The following SHISA6 variants were observed in gnomAD, a reference collection of about 807,000 sequenced individuals.
SHISA6 encodes protein shisa-6.
In SHISA6, 22 loss-of-function variants were observed where a neutral mutation model predicts 47.9. That is an observed-to-expected ratio of 0.46 (90% confidence interval 0.33 to 0.66). The LOEUF (loss-of-function observed/expected upper bound fraction) is 0.66. Among genes scored for constraint, SHISA6 ranks in the 30% least tolerant of loss-of-function variants. The pLI is 0.02. For synonymous variants in SHISA6, 388 were observed against 337.8 expected (o/e 1.15, Z -1.63); for missense variants, 680 against 764.6 (o/e 0.89, Z 1.30).
chr17:11,296,691 C>G (rs1466178813), intron 2 of SHISA6, among the ~76,000 whole-genome samples: 1 of 151,926 alleles, frequency 6.6e-6, no homozygotes, highest in African/African-American at 2.4e-5. Flanking sequence ...GGGGATGTCT[C>G]CTAGGAACAG....
At chr17:11,426,967 C>T (rs566668704) in intron 3 of SHISA6, among the ~76,000 whole-genome samples, 6 of 152,140 alleles carry the variant, frequency 3.9e-5, no homozygotes, top group Non-Finnish European at 5.9e-5. Flanking sequence ...CTGTCTCCAC[C>T]CCTGTAGGTA....
intron 3 of SHISA6, among the ~76,000 whole-genome samples, chr17:11,523,522 AG>A (rs1432536011): frequency 6.6e-6 from 1 of 152,152 alleles, no homozygotes; most frequent in Admixed American, 6.5e-5. Context: ...TTGAGATGTG[AG>A]GGGGATTTGG....
intron 3 of SHISA6, among the ~76,000 whole-genome samples, chr17:11,515,872 T>C (rs1158442901): frequency 1.3e-5 from 2 of 152,146 alleles, no homozygotes; most frequent in Non-Finnish European, 2.9e-5. Flanking sequence ...GAGACCACTT[T>C]TCCTTCAAGT....
intron 3 of SHISA6, among the ~76,000 whole-genome samples, chr17:11,451,007 A>C (rs1224678744): frequency 6.4e-5 from 9 of 141,246 alleles, no homozygotes; most frequent in Non-Finnish European, 1.4e-4. Context: ...AAAAAAAAAA[A>C]AAAAAACAGA....
intron 3 of SHISA6, among the ~76,000 whole-genome samples, chr17:11,408,046 C>T (rs1914015221): frequency 6.6e-6 from 1 of 152,194 alleles, no homozygotes; most frequent in Non-Finnish European, 1.5e-5. Context: ...CAGATAAACA[C>T]ACTGCCTCTT....
chr17:11,301,548 C>A (rs1044528478), intron 2 of SHISA6, among the ~76,000 whole-genome samples: 2 of 152,136 alleles, frequency 1.3e-5, no homozygotes, highest in African/African-American at 2.4e-5. Context: ...CTGGTCACAC[C>A]GTGCATGAAT....
At chr17:11,432,444 C>T (rs557051805) in intron 3 of SHISA6, among the ~76,000 whole-genome samples, 4 of 152,264 alleles carry the variant, frequency 2.6e-5, no homozygotes, top group African/African-American at 7.2e-5. Context: ...CACAGGGCTT[C>T]GTGCCACCTA....
At chr17:11,520,623 A>G (rs1395063650) in intron 3 of SHISA6, among the ~76,000 whole-genome samples, 2 of 151,904 alleles carry the variant, frequency 1.3e-5, no homozygotes, top group Non-Finnish European at 2.9e-5. Flanking sequence ...TCTCTTTCCT[A>G]CGTCAGGGGC....
At chr17:11,497,479 G>A (rs2071418469) in intron 3 of SHISA6, among the ~76,000 whole-genome samples, 1 of 152,164 alleles carries the variant, frequency 6.6e-6, no homozygotes, top group African/African-American at 2.4e-5. Flanking sequence ...AAGGGCATCA[G>A]TCATGGGGTC....
intron 3 of SHISA6, among the ~76,000 whole-genome samples, chr17:11,386,828 A>G (rs183326636): frequency 1.3e-5 from 2 of 152,296 alleles, no homozygotes; most frequent in African/African-American, 4.8e-5. Flanking sequence ...AAAGCAAACC[A>G]TCAGCTGTAA....
chr17:11,319,959 C>CTTTTTGAAA (rs1169346568), intron 2 of SHISA6, among the ~76,000 whole-genome samples: 4 of 152,122 alleles, frequency 2.6e-5, no homozygotes, highest in Admixed American at 2.6e-4. Context: ...AGTTCTAAAA[C>CTTTTTGAAA]GTTTGAAAGG....
intron 2 of SHISA6, among the ~76,000 whole-genome samples, chr17:11,350,182 A>ATTTATTTTTTTTTTTTTTT (rs964679787): frequency 8.6e-6 from 1 of 116,240 alleles, no homozygotes; most frequent in African/African-American, 3.3e-5. Context: ...TTATTTATTT[A>ATTTATTTTTTTTTTTTTTT]TTTTTTTTTT....
chr17:11,279,908 T>C (rs1364545064), intron 2 of SHISA6, among the ~76,000 whole-genome samples: 1 of 152,182 alleles, frequency 6.6e-6, no homozygotes, highest in Non-Finnish European at 1.5e-5. Flanking sequence ...GGCAAACACC[T>C]GGCTCCTTAG....
At chr17:11,531,502 C>T (rs9913732) in intron 3 of SHISA6, among the ~76,000 whole-genome samples, 2,852 of 152,138 alleles carry the variant, frequency 0.019, 95 homozygotes, top group African/African-American at 0.063. Flanking sequence ...TTCATCATTA[C>T]GCACAGCCAG....
intron 3 of SHISA6, among the ~76,000 whole-genome samples, chr17:11,513,995 G>C (rs1375466657): frequency 6.6e-6 from 1 of 152,200 alleles, no homozygotes; most frequent in African/African-American, 2.4e-5. Context: ...TGCAGGATGA[G>C]GGGAGTAGGT....
At chr17:11,537,351 G>GT (rs1407097964) in intron 3 of SHISA6, among the ~76,000 whole-genome samples, 23 of 152,092 alleles carry the variant, frequency 1.5e-4, no homozygotes, top group Middle Eastern at 3.4e-3. Context: ...GTCTTACTGG[G>GT]TGGCGGCGGG....
chr17:11,469,977 A>G (rs1347438328), intron 3 of SHISA6, among the ~76,000 whole-genome samples: 1 of 152,190 alleles, frequency 6.6e-6, no homozygotes, highest in Non-Finnish European at 1.5e-5. Context: ...ACTGGTGTCC[A>G]TACAAAGAGA....
intron 3 of SHISA6, among the ~76,000 whole-genome samples, chr17:11,538,403 G>T (rs571203255): frequency 6.6e-6 from 1 of 152,182 alleles, no homozygotes; most frequent in Non-Finnish European, 1.5e-5. Flanking sequence ...TTTGGGAGAA[G>T]TGAGAAGGAG....
chr17:11,390,473 G>T (rs768715810), intron 3 of SHISA6, among the ~76,000 whole-genome samples: 6 of 152,098 alleles, frequency 3.9e-5, no homozygotes, highest in Non-Finnish European at 8.8e-5. Flanking sequence ...GGCTTCACTT[G>T]GGAGCCAGTG....
Sources: allele counts gnomAD v4.1 joint callset (sites outside exome capture counted in the v4.1 genomes callset), GRCh38; gene constraint gnomAD v4.1.1; transcripts MANE v1.5; gene names NCBI Gene and HGNC (gene_info 2026-07-23, HGNC 2026-07-21).